The following LRFN5 variants were observed in gnomAD, a reference collection of about 807,000 sequenced individuals.
LRFN5 encodes the protein leucine rich repeat and fibronectin type III domain containing 5.
Under a neutral mutation model 45.6 loss-of-function variants are expected in LRFN5, and 24 were observed. The ratio of observed to expected loss-of-function variants is 0.53; its 90% CI spans 0.38 to 0.74. LRFN5 has a LOEUF of 0.74. Ranked by LOEUF, LRFN5 falls within the 30% of genes least tolerant of loss-of-function variation. LRFN5 has a pLI of 0.00. For missense variants in LRFN5, 776 were observed against 861.5 expected, an observed-to-expected ratio of 0.90 and a Z score of 1.24; for synonymous variants, 340 against 313.8, an observed-to-expected ratio of 1.08 and a Z score of -0.88.
intron 2 of LRFN5, among the ~76,000 whole-genome samples, chr14:41,857,454 G>A (rs1889509595): frequency 6.6e-6 from 1 of 152,104 alleles, no homozygotes; most frequent in Non-Finnish European, 1.5e-5. Flanking sequence ...TCTCCTCGTG[G>A]TTTGTCTCTA....
chr14:41,765,956 A>G (rs988474305), intron 1 of LRFN5, among the ~76,000 whole-genome samples: 3 of 152,172 alleles, frequency 2.0e-5, no homozygotes, highest in Admixed American at 6.5e-5. Context: ...TCATTCATAT[A>G]TCTTTACAAG....
intron 1 of LRFN5, among the ~76,000 whole-genome samples, chr14:41,733,863 T>A (rs60030517): frequency 0.16 from 23,497 of 151,194 alleles, 2,153 homozygotes; most frequent in Non-Finnish European, 0.22. Flanking sequence ...ATTGATTTTT[T>A]ATCTACATAA....
chr14:41,759,395 A>G (rs1277839323), intron 1 of LRFN5, among the ~76,000 whole-genome samples: 2 of 151,764 alleles, frequency 1.3e-5, no homozygotes, highest in Non-Finnish European at 2.9e-5. Context: ...TGACTTTAAT[A>G]TATATGTTCC....
At position 41,876,456 on chromosome 14, in the gene LRFN5, T is replaced by C. The variant is rs948938529; in HGVS notation, c.-20-10150T>C. Among the ~76,000 whole-genome samples the C allele has an allele frequency of 4.7e-5, 7 of 149,772 alleles. No homozygotes were observed. In the South Asian group the frequency reaches 1.1e-3, roughly 23 times the overall value. The stretch of plus-strand genomic sequence containing the variant: ...CCACCATGCCTGGCTTTTTTTTTTT[T>C]TTTTCTTTTTCTTGTATTTTTAGTA... On this transcript the variant is annotated intron_variant, in intron 2 of 5. Coordinates refer to ENST00000298119, the MANE Select transcript of LRFN5 (RefSeq NM_152447.5).
chr14:41,624,133 C>T (rs1423600383), intron 1 of LRFN5, among the ~76,000 whole-genome samples: 1 of 152,010 alleles, frequency 6.6e-6, no homozygotes, highest in Non-Finnish European at 1.5e-5. Context: ...TTTGAAATAA[C>T]CTCTACTCCT....
chr14:41,787,629 A>G (rs1886773256), intron 2 of LRFN5, among the ~76,000 whole-genome samples: 1 of 151,900 alleles, frequency 6.6e-6, no homozygotes, highest in Non-Finnish European at 1.5e-5. Context: ...TGAACATGGT[A>G]TTATAAGTTC....
chr14:41,751,391 G>GA (rs1013198140), intron 1 of LRFN5, among the ~76,000 whole-genome samples: 1 of 151,578 alleles, frequency 6.6e-6, no homozygotes, highest in Admixed American at 6.6e-5. Context: ...AGAATATATT[G>GA]AAAAAAAATT....
chr14:41,681,360 A>T (rs963830620), intron 1 of LRFN5, among the ~76,000 whole-genome samples: 1 of 152,186 alleles, frequency 6.6e-6, no homozygotes, highest in South Asian at 2.1e-4. Context: ...AAAAGATTTT[A>T]AAAATAACAA....
chr14:41,891,119 T>A, intron 3 of LRFN5, 131 bp from the exon 4 acceptor site: 1 of 748,494 alleles, frequency 1.3e-6, no homozygotes, highest in East Asian at 2.7e-5. Flanking sequence ...GATTAGATCA[T>A]TTTTCAATAA....
intron 1 of LRFN5, among the ~76,000 whole-genome samples, chr14:41,705,994 T>C (rs984736322): frequency 2.0e-5 from 3 of 152,224 alleles, no homozygotes; most frequent in Non-Finnish European, 4.4e-5. Flanking sequence ...TATCCCATCA[T>C]AATAAACCTG....
intron 1 of LRFN5, among the ~76,000 whole-genome samples, chr14:41,754,398 C>CT (rs1034617941): frequency 1.3e-5 from 2 of 151,778 alleles, no homozygotes; most frequent in Non-Finnish European, 2.9e-5. Flanking sequence ...TGGTCCTGGA[C>CT]TTTTTTTTGG....
chr14:41,692,879 A>G (rs1364477011), intron 1 of LRFN5, among the ~76,000 whole-genome samples: 2 of 151,888 alleles, frequency 1.3e-5, no homozygotes, highest in African/African-American at 2.4e-5. Context: ...TTTCATGTTT[A>G]GTTCTATGAT....
chr14:41,801,611 C>T (rs1440482678), intron 2 of LRFN5, among the ~76,000 whole-genome samples: 3 of 152,174 alleles, frequency 2.0e-5, no homozygotes, highest in South Asian at 2.1e-4. Context: ...TACTTCTCTA[C>T]AAGAAGGATC....
chr14:41,894,696 GAAACATA>G (rs1254108077), intron 4 of LRFN5: 1 of 985,248 alleles, frequency 1.0e-6, no homozygotes, highest in Admixed American at 6.2e-5. Context: ...CATGATGTCT[GAAACATA>G]ATTGTTGCTT....
At chr14:41,744,654 G>A (rs1024045666) in intron 1 of LRFN5, among the ~76,000 whole-genome samples, 5 of 151,982 alleles carry the variant, frequency 3.3e-5, no homozygotes, top group Admixed American at 2.0e-4. Context: ...AAGAGACTCA[G>A]TTTGGATCCA....
chr14:41,646,154 A>T (rs1201716535), intron 1 of LRFN5, among the ~76,000 whole-genome samples: 1 of 152,126 alleles, frequency 6.6e-6, no homozygotes, highest in East Asian at 1.9e-4. Flanking sequence ...ATTTGAAACT[A>T]TAATATATTA....
intron 4 of LRFN5, among the ~76,000 whole-genome samples, chr14:41,898,655 A>T (rs1258971130): frequency 6.6e-6 from 1 of 152,024 alleles, no homozygotes; most frequent in Non-Finnish European, 1.5e-5. Flanking sequence ...ATTGAAAATC[A>T]CTCATTTTAG....
chr14:41,874,910 C>G (rs893850615), intron 2 of LRFN5, among the ~76,000 whole-genome samples: 1 of 152,116 alleles, frequency 6.6e-6, no homozygotes, highest in Non-Finnish European at 1.5e-5. Context: ...GAAAAAGCCC[C>G]TTATAAAATC....
chr14:41,648,574 A>T (rs1879932213), intron 1 of LRFN5, among the ~76,000 whole-genome samples: 1 of 152,184 alleles, frequency 6.6e-6, no homozygotes, highest in Admixed American at 6.5e-5. Context: ...ATTTTAAGAC[A>T]TGTATAAAAA....
Sources: allele counts gnomAD v4.1 joint callset (sites outside exome capture counted in the v4.1 genomes callset), GRCh38; gene constraint gnomAD v4.1.1; transcripts MANE v1.5; gene names NCBI Gene and HGNC (gene_info 2026-07-23, HGNC 2026-07-21).